The following ASTN2 variants were observed in gnomAD, a reference collection of about 807,000 sequenced individuals.
ASTN2 encodes the protein astrotactin 2.
ASTN2 carries 54 observed loss-of-function variants against 139.8 expected under a neutral mutation model. The observed-to-expected ratio is 0.39, with a 90% CI of 0.31 to 0.48. ASTN2 has a LOEUF of 0.48. Ranked by LOEUF, ASTN2 falls within the 20% of genes least tolerant of loss-of-function variation. ASTN2 has a pLI of 0.95. For missense variants in ASTN2, 1,565 were observed against 1,725.1 expected, an observed-to-expected ratio of 0.91 and a Z score of 1.64; for synonymous variants, 756 against 719.5, an observed-to-expected ratio of 1.05 and a Z score of -0.81.
chr9:116,603,478 G>A (rs1290958200), intron 19 of ASTN2, among the ~76,000 whole-genome samples: 2 of 152,164 alleles, frequency 1.3e-5, no homozygotes. Context: ...AAAGAAGTGA[G>A]AGACTGGATT....
intron 6 of ASTN2, among the ~76,000 whole-genome samples, chr9:117,027,969 G>A (rs577957083): frequency 1.2e-4 from 19 of 152,204 alleles, no homozygotes; most frequent in African/African-American, 2.2e-4. Context: ...ACAGTGACTC[G>A]TCCAAGATCC....
At chr9:116,964,216 GGTGTGTGTGTGTGTGTGTGTGTGTGT>G (rs56209166) in intron 10 of ASTN2, among the ~76,000 whole-genome samples, 1 of 140,708 alleles carries the variant, frequency 7.1e-6, no homozygotes, top group African/African-American at 2.7e-5. Flanking sequence ...ACTGCCCTGG[GGTGTGTGTGTGTGTGTGTGTGTGTGT>G]GTGTGTGTGT....
In ASTN2 at chr9:117,214,501, T is replaced by C. The variant is rs200270101; in HGVS notation, c.872A>G (p.Asp291Gly). 28 of 1,614,036 alleles carry C rather than the reference T, an allele frequency of 1.7e-5. No homozygotes were observed. The highest frequency in any genetic ancestry group is 2.3e-5 in the Non-Finnish European group (27 of 1,180,010). The stretch of plus-strand genomic sequence containing the variant: ...CTCATCCTCCTCACAGTCATAGTCA[T>C]CCAGGATGGGAGTCTCCCGGATGGG... ...GVPIRETPILDDYDCEEDEEP... is the reference protein window; with the variant it reads ...GVPIRETPILGDYDCEEDEEP... The change falls in exon 3 of 23, where the codon GAT becomes GGT. Residue 291 changes from aspartate (D) to glycine (G), a missense_variant. Asp to Gly is a moderately conservative substitution (Grantham distance 94, BLOSUM62 -1). Transcript: ENST00000313400.
chr9:116,763,576 C>G (rs1829730126), intron 13 of ASTN2, among the ~76,000 whole-genome samples: 2 of 152,152 alleles, frequency 1.3e-5, no homozygotes, highest in Admixed American at 1.3e-4. Flanking sequence ...GGAGAAAACA[C>G]AGCCTCGGTT....
chr9:117,399,836 C>T (rs1005333455), intron 1 of ASTN2, among the ~76,000 whole-genome samples: 2 of 152,122 alleles, frequency 1.3e-5, no homozygotes, highest in African/African-American at 2.4e-5. Context: ...ATGCTAATCC[C>T]AATTGACTGG....
intron 20 of ASTN2, among the ~76,000 whole-genome samples, chr9:116,465,059 T>C (rs989899494): frequency 2.6e-5 from 4 of 152,186 alleles, no homozygotes; most frequent in Non-Finnish European, 5.9e-5. Flanking sequence ...CTAATGTTAA[T>C]AGGGAGGATG....
chr9:116,778,888 G>A (rs1169732048), intron 13 of ASTN2, among the ~76,000 whole-genome samples: 1 of 152,154 alleles, frequency 6.6e-6, no homozygotes, highest in Admixed American at 6.5e-5. Context: ...TGGAAGGAGT[G>A]TAGGCTCCTC....
intron 14 of ASTN2, among the ~76,000 whole-genome samples, chr9:116,732,758 G>C (rs1212090606): frequency 2.6e-5 from 4 of 152,170 alleles, no homozygotes; most frequent in African/African-American, 9.7e-5. Flanking sequence ...GTGGTTGCAG[G>C]GGTGGGGGAG....
intron 19 of ASTN2, among the ~76,000 whole-genome samples, chr9:116,488,096 T>C (rs1401934041): frequency 6.6e-6 from 1 of 152,176 alleles, no homozygotes; most frequent in African/African-American, 2.4e-5. Context: ...AGGATGTACA[T>C]GATGTCATGG....
rs367927736 is a variant in ASTN2 at position 117,380,322 on chromosome 9, C to A, written c.442+34175G>T. On this transcript the variant is annotated intron_variant, in intron 1 of 22. Coordinates refer to ENST00000313400, the MANE Select transcript of ASTN2 (RefSeq NM_001365068.1). ...ACAGGATGCTATAAAAGAATGATGA[C>A]CAGGCCAGGCATGGTAGCTCATGCC... is the stretch of plus-strand genomic sequence containing the variant. Among the ~76,000 whole-genome samples, 227 of 152,064 alleles carry A rather than the reference C, an allele frequency of 1.5e-3. 1 individual carries two copies. Among genetic ancestry groups the A allele is most frequent in the African/African-American group, 5.4e-3 (224 of 41,520 alleles).
intron 1 of ASTN2, among the ~76,000 whole-genome samples, chr9:117,316,845 G>C (rs898720055): frequency 1.3e-5 from 2 of 152,114 alleles, no homozygotes; most frequent in Non-Finnish European, 2.9e-5. Context: ...TTGGGCCTGG[G>C]GATCCTTTGG....
intron 13 of ASTN2, among the ~76,000 whole-genome samples, chr9:116,798,237 C>T (rs562259284): frequency 2.6e-4 from 39 of 152,332 alleles, no homozygotes; most frequent in South Asian, 8.3e-4. Flanking sequence ...TGCCACTGCA[C>T]GCCAGCCTGG....
chr9:116,626,913 G>A (rs1856495868), intron 17 of ASTN2, among the ~76,000 whole-genome samples: 1 of 152,140 alleles, frequency 6.6e-6, no homozygotes, highest in Admixed American at 6.5e-5. Flanking sequence ...ATCTACCTGG[G>A]CCATCTGCCA....
intron 10 of ASTN2, among the ~76,000 whole-genome samples, chr9:116,884,690 T>C (rs1233909525): frequency 6.6e-6 from 1 of 151,868 alleles, no homozygotes; most frequent in Non-Finnish European, 1.5e-5. Context: ...CCTCCTCTTC[T>C]GGTAGTTTGC....
chr9:117,339,515 C>T (rs539872380), intron 1 of ASTN2, among the ~76,000 whole-genome samples: 2 of 152,242 alleles, frequency 1.3e-5, no homozygotes, highest in South Asian at 2.1e-4. Context: ...AAAAAAGGAA[C>T]TCCTTTGCCA....
At chr9:117,314,532 A>G (rs1163251658) in intron 1 of ASTN2, among the ~76,000 whole-genome samples, 10 of 150,274 alleles carry the variant, frequency 6.7e-5, no homozygotes, top group Non-Finnish European at 1.2e-4. Context: ...TAAACCAAGT[A>G]GGGTTATATA....
chr9:117,201,608 T>C (rs1416006240), intron 3 of ASTN2, among the ~76,000 whole-genome samples: 1 of 152,192 alleles, frequency 6.6e-6, no homozygotes, highest in Non-Finnish European at 1.5e-5. Context: ...CCAGGAGTCA[T>C]TCAGGAGCAG....
intron 13 of ASTN2, among the ~76,000 whole-genome samples, chr9:116,740,689 T>A (rs1829076307): frequency 6.6e-6 from 1 of 151,742 alleles, no homozygotes; most frequent in Non-Finnish European, 1.5e-5. Flanking sequence ...ATTTTTTAAT[T>A]TTTTTTAGTA....
chr9:116,717,229 T>C (rs1828335537), intron 16 of ASTN2, among the ~76,000 whole-genome samples: 1 of 152,204 alleles, frequency 6.6e-6, no homozygotes, highest in South Asian at 2.1e-4. Context: ...TTATTCTTGG[T>C]ATGCACCAAT....
Sources: gnomAD v4.1 joint callset for allele counts (sites outside exome capture counted in the v4.1 genomes callset) on GRCh38, gnomAD v4.1.1 for gene constraint, MANE v1.5 for transcripts, NCBI Gene and HGNC (gene_info 2026-07-23, HGNC 2026-07-21) for gene names.